The following DPP6 variants were observed in gnomAD, a reference collection of about 807,000 sequenced individuals.
The protein encoded by DPP6 is A-type potassium channel modulatory protein DPP6.
A neutral mutation model predicts 122.6 loss-of-function variants in DPP6; 69 were observed. The ratio of observed to expected loss-of-function variants is 0.56; its 90% confidence interval spans 0.46 to 0.69. DPP6 has a LOEUF of 0.69. DPP6 is among the 30% of genes least tolerant of loss of function. The probability of loss-of-function intolerance (pLI) is 0.00; values close to 1 mark genes in which losing one functional copy is unlikely to be tolerated. For missense variants in DPP6, 928 were observed against 1,116.9 expected, an observed-to-expected ratio of 0.83 and a Z score of 2.41; for synonymous variants, 418 against 433.1, an observed-to-expected ratio of 0.97 and a Z score of 0.43.
At chr7:154,011,666 T>G (rs554139789) in intron 1 of DPP6, among the ~76,000 whole-genome samples, 2,975 of 152,266 alleles carry the variant, frequency 0.02, 30 homozygotes, top group Non-Finnish European at 0.027. Context: ...TTTGGAAGCA[T>G]TGGTTGGTGC....
chr7:154,413,794 T>C (rs1027370430), intron 1 of DPP6, among the ~76,000 whole-genome samples: 2 of 152,166 alleles, frequency 1.3e-5, no homozygotes, highest in Non-Finnish European at 1.5e-5. Context: ...AAATTCCCAG[T>C]GAGTATATGG....
intron 1 of DPP6, among the ~76,000 whole-genome samples, chr7:154,395,488 C>G (rs1179584484): frequency 6.6e-6 from 1 of 152,066 alleles, no homozygotes; most frequent in African/African-American, 2.4e-5. Flanking sequence ...AAGTTAATTC[C>G]TAAGTATTTT....
intron 1 of DPP6, among the ~76,000 whole-genome samples, chr7:153,897,585 G>A (rs370904093): frequency 2.0e-4 from 31 of 152,224 alleles, no homozygotes; most frequent in African/African-American, 7.2e-4. Context: ...TTTCAAGTAA[G>A]TTCCAACAGT....
At chr7:154,419,249 G>T (rs1200933664) in intron 1 of DPP6, among the ~76,000 whole-genome samples, 1 of 152,162 alleles carries the variant, frequency 6.6e-6, no homozygotes, top group Non-Finnish European at 1.5e-5. Context: ...TTCTTAAAAT[G>T]CCAGCTCATT....
chr7:153,955,141 A>G (rs1306534036), intron 1 of DPP6, among the ~76,000 whole-genome samples: 2 of 152,162 alleles, frequency 1.3e-5, no homozygotes, highest in Admixed American at 6.5e-5. Context: ...GTTGTTATAG[A>G]TAAGATGGAG....
intron 7 of DPP6, 22 bp from the exon 8 acceptor site, chr7:154,727,745 C>CT (rs1465908245): frequency 1.7e-5 from 27 of 1,591,810 alleles, no homozygotes; most frequent in Non-Finnish European, 2.0e-5. Flanking sequence ...TAATATTATG[C>CT]TTTTTTCTCT....
chr7:154,309,964 C>A (rs1427484954), intron 1 of DPP6, among the ~76,000 whole-genome samples: 1 of 152,154 alleles, frequency 6.6e-6, no homozygotes, highest in Non-Finnish European at 1.5e-5. Flanking sequence ...CTTGAAGGAA[C>A]TGCTGAAGAA....
chr7:154,615,450 G>A (rs1020678483), intron 5 of DPP6, among the ~76,000 whole-genome samples: 17 of 152,174 alleles, frequency 1.1e-4, no homozygotes, highest in African/African-American at 3.9e-4. Context: ...ATCACATATT[G>A]AATTTTAAAA....
intron 1 of DPP6, among the ~76,000 whole-genome samples, chr7:154,415,487 C>A (rs1374220619): frequency 2.0e-5 from 3 of 152,032 alleles, no homozygotes. Flanking sequence ...GGAGAATTTC[C>A]TATTACAAAT....
chr7:153,982,773 T>C lies in DPP6; in HGVS notation c.51+95039T>C, dbSNP rs191310360. On this transcript the variant is annotated intron_variant, in intron 1 of 25. Transcript: ENST00000404039. ...TATGTCGATGCTATTCCTTTCTGTT[T>C]GTTAGTTTTTCTTCTAACAGTCAGT... 2.5e-3 allele frequency among the ~76,000 whole-genome samples: 387 copies of C among 152,344 alleles called. 1 individual carries two copies. Among genetic ancestry groups the C allele is most frequent in the African/African-American group, 9.0e-3 (376 of 41,584 alleles).
intron 3 of DPP6, among the ~76,000 whole-genome samples, chr7:154,477,241 C>A (rs1822825895): frequency 6.6e-6 from 1 of 152,072 alleles, no homozygotes; most frequent in African/African-American, 2.4e-5. Context: ...ACACCACCCA[C>A]CACCATGATC....
chr7:154,045,241 T>A (rs1311574907), intron 1 of DPP6, among the ~76,000 whole-genome samples: 1 of 152,088 alleles, frequency 6.6e-6, no homozygotes, highest in African/African-American at 2.4e-5. Flanking sequence ...TTAAATGGTT[T>A]CTTTTTTTTA....
At chr7:153,837,627 A>G in the DPP6 span, among the ~76,000 whole-genome samples, 5 of 152,270 alleles carry the variant, frequency 3.3e-5, no homozygotes, top group African/African-American at 1.2e-4. Context: ...TATTGAATGT[A>G]TAGAGGGTCA....
chr7:154,627,067 C>T (rs1237046270), intron 5 of DPP6, among the ~76,000 whole-genome samples: 6 of 111,952 alleles, frequency 5.4e-5, no homozygotes, highest in African/African-American at 2.1e-4. Flanking sequence ...GGCTGGAGTT[C>T]AGTGGCTCAA....
intron 1 of DPP6, chr7:154,058,287 C>G (rs1467541547): frequency 1.3e-5 from 2 of 148,206 alleles, no homozygotes; most frequent in African/African-American, 5.0e-5. Context: ...AGCCCCTCTT[C>G]CCCCCTTTGC....
chr7:153,992,845 G>A (rs1164401318), intron 1 of DPP6, among the ~76,000 whole-genome samples: 1 of 151,994 alleles, frequency 6.6e-6, no homozygotes, highest in Non-Finnish European at 1.5e-5. Context: ...CCTATAAGGG[G>A]CCCATTCTGT....
chr7:154,824,779 T>G (rs983899961), intron 16 of DPP6, among the ~76,000 whole-genome samples: 1 of 152,208 alleles, frequency 6.6e-6, no homozygotes, highest in African/African-American at 2.4e-5. Context: ...CAGCAATTCC[T>G]TGTTGTTTAA....
At chr7:154,575,024 ATGTGTGTGG>A (rs1168027147) in intron 5 of DPP6, among the ~76,000 whole-genome samples, 10 of 90,584 alleles carry the variant, frequency 1.1e-4, no homozygotes, top group African/African-American at 3.6e-4. Context: ...TGGGTGGTGT[ATGTGTGTGG>A]TGTGTGTGGT....
At chr7:154,709,884 T>C (rs146552756) in intron 7 of DPP6, among the ~76,000 whole-genome samples, 3 of 152,336 alleles carry the variant, frequency 2.0e-5, no homozygotes, top group Non-Finnish European at 4.4e-5. Flanking sequence ...TTCAGGAAGG[T>C]TGGCCTATGT....
Sources: gnomAD v4.1 joint callset for allele counts (sites outside exome capture counted in the v4.1 genomes callset) on GRCh38, gnomAD v4.1.1 for gene constraint, MANE v1.5 for transcripts, NCBI Gene and HGNC (gene_info 2026-07-23, HGNC 2026-07-21) for gene names.